The following TPD52 variants were observed in gnomAD, a reference collection of about 807,000 sequenced individuals.
TPD52 encodes the protein tumor protein D52, also known as prostate and colon associated protein.
TPD52 carries 17 observed loss-of-function variants against 31.3 expected under a neutral mutation model. The ratio of observed to expected loss-of-function variants is 0.54; its 90% CI spans 0.37 to 0.82. TPD52 has a LOEUF of 0.82. Among genes scored for constraint, TPD52 ranks in the 40% least tolerant of loss-of-function variants. The probability of loss-of-function intolerance (pLI) is 0.00; values close to 1 mark genes in which losing one functional copy is unlikely to be tolerated. For synonymous variants in TPD52, 83 were observed against 89.6 expected (o/e 0.93, Z 0.42); for missense variants, 212 against 240.1 (o/e 0.88, Z 0.77).
chr8:80,144,489 A>G (rs1810056411), intron 1 of TPD52, among the ~76,000 whole-genome samples: 1 of 152,214 alleles, frequency 6.6e-6, no homozygotes, highest in Non-Finnish European at 1.5e-5. Flanking sequence ...TGTCTTTGTC[A>G]CACAGCTGAG....
At chr8:80,151,285 A>G in intron 1 of TPD52, among the ~76,000 whole-genome samples, 1 of 152,208 alleles carries the variant, frequency 6.6e-6, no homozygotes, top group East Asian at 1.9e-4. Flanking sequence ...GCCTTTATAC[A>G]TTACCCTGTC....
chr8:80,052,229 T>A (rs2130537935), intron 3 of TPD52, among the ~76,000 whole-genome samples: 1 of 152,346 alleles, frequency 6.6e-6, no homozygotes, highest in East Asian at 1.9e-4. Context: ...TCTAGTGTGG[T>A]ATCTGCTATC....
At chr8:80,142,570 C>T (rs531487389) in intron 1 of TPD52, among the ~76,000 whole-genome samples, 3 of 151,826 alleles carry the variant, frequency 2.0e-5, no homozygotes, top group Non-Finnish European at 2.9e-5. Context: ...GGTGTTGTGC[C>T]GCACAACTGT....
chr8:80,064,496 T>A lies in TPD52; in HGVS notation c.117A>T (p.Leu39=). 2 of 1,614,074 alleles carry A rather than the reference T, an allele frequency of 1.2e-6. No homozygotes were observed. Among genetic ancestry groups the A allele is most frequent in the Non-Finnish European group, 1.7e-6 (2 of 1,179,932 alleles). The part of the protein sequence containing the change: ...ETLSEEEQEE[L]RRELAKVEEE... The stretch of plus-strand genomic sequence containing the variant: ...TCTTTACCTTTGCAAGTTCTCTTCT[T>A]AGCTCTTCCTGCTCCTCTTCCGAGA... Residue 39 remains leucine (L), a synonymous_variant, in exon 2 of 8, where the codon CTA becomes CTT. Transcript: ENST00000518937.
chr8:80,053,503 A>G, intron 2 of TPD52, 73 bp from the exon 3 acceptor site: 1 of 1,481,874 alleles, frequency 6.7e-7, no homozygotes, highest in Non-Finnish European at 9.2e-7. Context: ...CCACAGAACT[A>G]CATCCAAAAT....
At chr8:80,130,071 G>A (rs1437707455) in intron 1 of TPD52, among the ~76,000 whole-genome samples, 1 of 152,186 alleles carries the variant, frequency 6.6e-6, no homozygotes, top group Non-Finnish European at 1.5e-5. Flanking sequence ...TCTGAAGAAG[G>A]AAAGTGACAA....
chr8:80,131,044 G>A (rs1808982678), intron 1 of TPD52, among the ~76,000 whole-genome samples: 1 of 152,130 alleles, frequency 6.6e-6, no homozygotes, highest in Non-Finnish European at 1.5e-5. Flanking sequence ...TAAAATGTGG[G>A]TGGGGTGAGG....
chr8:80,057,740 C>A (rs977225486), intron 2 of TPD52, among the ~76,000 whole-genome samples: 1 of 152,072 alleles, frequency 6.6e-6, no homozygotes, highest in Non-Finnish European at 1.5e-5. Context: ...TCATTAGAAG[C>A]CCAAACCTCA....
intron 2 of TPD52, among the ~76,000 whole-genome samples, chr8:80,058,626 C>T (rs563314753): frequency 6.6e-5 from 10 of 152,120 alleles, no homozygotes; most frequent in Non-Finnish European, 1.5e-4. Context: ...GACAAAACCC[C>T]ATCTCTGCTA....
intron 1 of TPD52, among the ~76,000 whole-genome samples, chr8:80,076,996 G>A (rs1409459471): frequency 6.6e-6 from 1 of 151,390 alleles, no homozygotes; most frequent in Non-Finnish European, 1.5e-5. Context: ...GAAAATTCTG[G>A]CCCGGCCCAG....
At chr8:80,137,811 G>A (rs1468028507) in intron 1 of TPD52, among the ~76,000 whole-genome samples, 12 of 152,178 alleles carry the variant, frequency 7.9e-5, no homozygotes, top group Admixed American at 7.9e-4. Flanking sequence ...AGGTAGGGTG[G>A]CCTGTAATTC....
chr8:80,061,385 CA>C (rs71571559), intron 2 of TPD52, among the ~76,000 whole-genome samples: 6 of 102,076 alleles, frequency 5.9e-5, no homozygotes, highest in Non-Finnish European at 9.9e-5. Flanking sequence ...CCGCCCCCCC[CA>C]AAAAAAAAAG....
chr8:80,065,284 T>C (rs1040080319), intron 1 of TPD52, among the ~76,000 whole-genome samples: 2 of 112,576 alleles, frequency 1.8e-5, no homozygotes, highest in Non-Finnish European at 3.7e-5. Flanking sequence ...TCTATATCTA[T>C]ATATCTATAT....
chr8:80,096,037 C>T (rs1425030314), intron 1 of TPD52, among the ~76,000 whole-genome samples: 2 of 152,184 alleles, frequency 1.3e-5, no homozygotes, highest in African/African-American at 4.8e-5. Context: ...AGGCATATTG[C>T]TTGAGCTCAG....
intron 1 of TPD52, among the ~76,000 whole-genome samples, chr8:80,161,419 G>C (rs1811352860): frequency 6.6e-6 from 1 of 152,058 alleles, no homozygotes; most frequent in African/African-American, 2.4e-5. Context: ...AAGTCTTTTT[G>C]ATTGATGTAT....
Position 80,037,043 on chromosome 8 carries a change from G to A in TPD52, c.*1073C>T, listed in dbSNP as rs10098470. 0.13 allele frequency: 20,518 copies of A among 152,516 alleles called. 3,424 individuals carry two copies. The highest frequency in any genetic ancestry group is 0.4 in the African/African-American group (16,468 of 41,434). 9.4% of individuals were successfully genotyped at this position (152,516 alleles called of 1,614,324 possible). On this transcript the variant is annotated 3_prime_UTR_variant, in exon 8 of 8. Transcript: ENST00000518937. ...ACAGGTTCTACAGTATCATTTTACAGTTTCCAACACATTGAAAACAAGTAG... is the reference window on the plus strand; with the variant it reads ...ACAGGTTCTACAGTATCATTTTACAATTTCCAACACATTGAAAACAAGTAG...
intron 1 of TPD52, among the ~76,000 whole-genome samples, chr8:80,110,062 G>A (rs1807397470): frequency 6.6e-6 from 1 of 152,168 alleles, no homozygotes; most frequent in African/African-American, 2.4e-5. Context: ...CTGCAAACCA[G>A]GAAAATATGC....
At chr8:80,031,133 T>C (rs979979813), downstream of TPD52, among the ~76,000 whole-genome samples, 2 of 151,944 alleles carry the variant, frequency 1.3e-5, no homozygotes, top group African/African-American at 4.9e-5. Context: ...GACCCAGCAG[T>C]TTAATATTAA....
intron 1 of TPD52, among the ~76,000 whole-genome samples, chr8:80,124,054 A>G (rs1046849450): frequency 1.1e-4 from 17 of 152,168 alleles, no homozygotes; most frequent in African/African-American, 3.1e-4. Context: ...GAAGACTGAG[A>G]ACACATCCCT....
Sources: allele counts gnomAD v4.1 joint callset (sites outside exome capture counted in the v4.1 genomes callset), GRCh38; gene constraint gnomAD v4.1.1; transcripts MANE v1.5; gene names NCBI Gene and HGNC (gene_info 2026-07-23, HGNC 2026-07-21).